The following CUL5 variants were observed in gnomAD, a reference collection of about 807,000 sequenced individuals.
CUL5 encodes the protein cullin-5.
CUL5 carries 26 observed loss-of-function variants against 108.8 expected under a neutral mutation model. The observed-to-expected ratio is 0.24, with a 90% confidence interval of 0.18 to 0.33. The LOEUF is 0.33. Among genes scored for constraint, CUL5 ranks in the 10% least tolerant of loss-of-function variants. The probability of loss-of-function intolerance (pLI) is 1.00; values close to 1 mark genes in which losing one functional copy is unlikely to be tolerated. For missense variants in CUL5, 524 were observed against 909.2 expected (o/e 0.58, Z 5.45); for synonymous variants, 334 against 298.0 (o/e 1.12, Z -1.25).
intron 2 of CUL5, among the ~76,000 whole-genome samples, chr11:108,043,137 A>G (rs1180071274): frequency 6.6e-6 from 1 of 152,206 alleles, no homozygotes; most frequent in Non-Finnish European, 1.5e-5. Context: ...CAGTGGCACA[A>G]TTGTAGCTCA....
intron 1 of CUL5, among the ~76,000 whole-genome samples, chr11:108,024,532 G>T (rs992023259): frequency 7.9e-5 from 12 of 152,192 alleles, no homozygotes; most frequent in Admixed American, 1.3e-4. Context: ...CACCTAACAT[G>T]TAACAGTCAG....
intron 13 of CUL5, among the ~76,000 whole-genome samples, chr11:108,092,566 A>C (rs1488769883): frequency 6.6e-6 from 1 of 152,220 alleles, no homozygotes; most frequent in Admixed American, 6.5e-5. Flanking sequence ...AACTTTGAAA[A>C]CATAATGCTG....
chr11:108,099,005 CTTT>C (rs4027717), intron 18 of CUL5, among the ~76,000 whole-genome samples: 1 of 133,142 alleles, frequency 7.5e-6, no homozygotes, highest in Non-Finnish European at 1.6e-5. Flanking sequence ...GGCCAGTGTA[CTTT>C]TTTTTTTTTT....
At chr11:108,079,453 T>C (rs1456310756) in intron 11 of CUL5, among the ~76,000 whole-genome samples, 5 of 152,216 alleles carry the variant, frequency 3.3e-5, no homozygotes, top group Non-Finnish European at 7.3e-5. Context: ...ATAGAGTTAC[T>C]ATGGTTGCTT....
chr11:108,048,825 C>T (rs187200720), intron 3 of CUL5, among the ~76,000 whole-genome samples: 17 of 151,860 alleles, frequency 1.1e-4, no homozygotes, highest in Non-Finnish European at 2.5e-4. Flanking sequence ...TGCCACCATG[C>T]CTGGCTAATT....
chr11:108,107,185 T>C lies in CUL5; in HGVS notation c.*2801T>C, dbSNP rs1192839349. 1 of 152,088 alleles carries C rather than the reference T, an allele frequency of 6.6e-6. No individual in the cohort carries two copies. The highest frequency in any genetic ancestry group is 1.5e-5 in the Non-Finnish European group (1 of 68,002). The allele number at this position is 152,088 out of a possible 1,614,324, so 9.4% of individuals were successfully genotyped here. ...CAACTTTTTTATTTAAGTCTCTTGCTCTTATTTTGTGCATAAATGTTAAAC... is the reference window on the plus strand; with the variant it reads ...CAACTTTTTTATTTAAGTCTCTTGCCCTTATTTTGTGCATAAATGTTAAAC... On this transcript the variant is annotated 3_prime_UTR_variant, in exon 19 of 19. Transcript: ENST00000393094.
chr11:108,027,276 T>A (rs1487549847), intron 1 of CUL5, among the ~76,000 whole-genome samples: 3 of 151,128 alleles, frequency 2.0e-5, no homozygotes, highest in Non-Finnish European at 4.4e-5. Context: ...CCAGCTAATT[T>A]TTTTTTTTTT....
rs147676874 is a variant in CUL5, at chr11:108,025,003, T to G, written c.25-8799T>G. The stretch of plus-strand genomic sequence containing the variant: ...TCAGTGACTCTGCTACCTCATTGTT[T>G]AATGTCTTATATCTGTGGTTTATAG... On this transcript the variant is annotated intron_variant, in intron 1 of 18. Transcript: ENST00000393094. Among the ~76,000 whole-genome samples, 55 of 152,346 alleles carry G rather than the reference T, an allele frequency of 3.6e-4. 1 individual carries two copies. The highest frequency in any genetic ancestry group is 8.2e-4 in the African/African-American group (34 of 41,574).
chr11:108,009,226 C>T lies in CUL5; in HGVS notation c.-123C>T, dbSNP rs868308196. 4.6e-4 allele frequency: 469 copies of T among 1,020,188 alleles called. 2 individuals carry two copies. In the Middle Eastern group the frequency reaches 0.013, roughly 27 times the overall value. 63.2% of individuals were successfully genotyped at this position (1,020,188 alleles called of 1,614,324 possible). Reference sequence around the variant, plus strand: ...GCTGTCGGCGCGCTGCTCCAGCGCCCACCACACCCTGGTGCGGGCCGACGG... The same window carrying T: ...GCTGTCGGCGCGCTGCTCCAGCGCCTACCACACCCTGGTGCGGGCCGACGG... On this transcript the variant is annotated 5_prime_UTR_variant, in exon 1 of 19. Transcript: ENST00000393094.
intron 16 of CUL5, among the ~76,000 whole-genome samples, chr11:108,096,369 G>C (rs1266459011): frequency 6.7e-6 from 1 of 149,568 alleles, no homozygotes; most frequent in Non-Finnish European, 1.5e-5. Context: ...CTTGGTGGCT[G>C]TATCCCCAGC....
Position 108,051,683 on chromosome 11 carries a change from A to G in CUL5, c.412-977A>G, listed in dbSNP as rs193141815. ...TGGAACATCTAAACAGTAGATTTGC[A>G]GACCTTTTATAAGGTCCAGTATCAG... is the stretch of plus-strand genomic sequence containing the variant. On this transcript the variant is annotated intron_variant, in intron 4 of 18. Coordinates refer to ENST00000393094, the MANE Select transcript of CUL5 (RefSeq NM_003478.6). Among the ~76,000 whole-genome samples the G allele has an allele frequency of 3.5e-3, 539 of 152,350 alleles. 12 individuals carry two copies. The highest frequency in any genetic ancestry group is 1.1e-3 in the Non-Finnish European group (72 of 68,034).
intron 7 of CUL5, among the ~76,000 whole-genome samples, chr11:108,064,314 G>A (rs1200909655): frequency 6.6e-6 from 1 of 152,184 alleles, no homozygotes; most frequent in African/African-American, 2.4e-5. Context: ...CTGTTGATGT[G>A]ATGTATCATT....
chr11:108,083,401 C>T (rs74634300), intron 11 of CUL5, among the ~76,000 whole-genome samples: 20,142 of 152,176 alleles, frequency 0.13, 1,427 homozygotes, highest in African/African-American at 0.18. Context: ...GAATCTTTAT[C>T]TACAAGATAG....
At chr11:108,080,193 C>T (rs1864042765) in intron 11 of CUL5, among the ~76,000 whole-genome samples, 1 of 150,684 alleles carries the variant, frequency 6.6e-6, no homozygotes, top group Admixed American at 6.7e-5. Context: ...ACCTCCTGGG[C>T]TTAAGCAGTC....
At chr11:108,058,931 G>A (rs114718022) in intron 7 of CUL5, among the ~76,000 whole-genome samples, 2,042 of 152,270 alleles carry the variant, frequency 0.013, 45 homozygotes, top group African/African-American at 0.047. Flanking sequence ...GAGCTGTGCT[G>A]CTGAACAGGC....
intron 11 of CUL5, among the ~76,000 whole-genome samples, chr11:108,080,950 A>G (rs1436416372): frequency 1.4e-5 from 2 of 139,154 alleles, no homozygotes; most frequent in Non-Finnish European, 3.1e-5. Context: ...ATGAAGATTT[A>G]TCATTATTTA....
Position 108,074,087 on chromosome 11 carries a change from T to A in CUL5, c.1113+590T>A, listed in dbSNP as rs1191793303. The A allele has an allele frequency of 2.0e-5, 3 of 152,270 alleles. No homozygotes were observed. In the East Asian group the frequency reaches 5.8e-4, roughly 29 times the overall value. 9.4% of individuals were successfully genotyped at this position (152,270 alleles called of 1,614,324 possible). On this transcript the variant is annotated intron_variant, in intron 10 of 18. Transcript: ENST00000393094. ...AGAAATTGCTGTTAGTTTTTTCTCT[T>A]CTTTGACTACCTTTCGTTACTTCCC...
At chr11:108,060,415 G>T (rs1295019130) in intron 7 of CUL5, among the ~76,000 whole-genome samples, 1 of 152,148 alleles carries the variant, frequency 6.6e-6, no homozygotes, top group Non-Finnish European at 1.5e-5. Flanking sequence ...CAACTCTTAC[G>T]TTGTAGCTGA....
chr11:108,057,539 T>A (rs1863416167), intron 7 of CUL5, among the ~76,000 whole-genome samples: 1 of 152,186 alleles, frequency 6.6e-6, no homozygotes, highest in Non-Finnish European at 1.5e-5. Flanking sequence ...GCCAAAAATG[T>A]GTAATCTTAC....
Sources: gnomAD v4.1 joint callset for allele counts (sites outside exome capture counted in the v4.1 genomes callset) on GRCh38, gnomAD v4.1.1 for gene constraint, MANE v1.5 for transcripts, NCBI Gene and HGNC (gene_info 2026-07-23, HGNC 2026-07-21) for gene names.